Variants in ZNF91 observed in about 807,000 individuals in gnomAD.
ZNF91 encodes the protein zinc finger protein 91.
Under a neutral mutation model 12.6 loss-of-function variants are expected in ZNF91, and 7 were observed. That is an observed-to-expected ratio of 0.55 (90% CI 0.31 to 1.04). ZNF91 has a LOEUF of 1.04. ZNF91 is among the 50% of genes least tolerant of loss of function. The pLI, the probability that ZNF91 is intolerant of heterozygous loss-of-function variation, is 0.05. For missense variants in ZNF91, 1,217 were observed against 1,385.4 expected, an observed-to-expected ratio of 0.88 and a Z score of 1.93; for synonymous variants, 453 against 462.6, an observed-to-expected ratio of 0.98 and a Z score of 0.27.
At chr19:23,334,377 G>C (rs1967970242), downstream of ZNF91, among the ~76,000 whole-genome samples, 1 of 152,146 alleles carries the variant, frequency 6.6e-6, no homozygotes, top group African/African-American at 2.4e-5. Context: ...CTGTGTTTCA[G>C]AGGGAACACT....
In ZNF91 at chr19:23,362,419, C is replaced by A. The variant is rs539170632; in HGVS notation, c.560G>T (p.Cys187Phe). The change falls in exon 4 of 4, where the codon TGT becomes TTT. Residue 187 changes from cysteine to phenylalanine, a missense_variant. Around this residue, in one of 2 missense-constraint regions of ZNF91, gnomAD observed 726 missense variants for 895.5 expected, o/e 0.81. Coordinates refer to ENST00000300619, the MANE Select transcript of ZNF91 (RefSeq NM_003430.4). ...TGKKCFKCKK[C>F]VKSFCIRLHK... is the part of the protein sequence containing the mutation. ...TAAACGGATGCAAAATGACTTGACA[C>A]ATTTTTTACATTTGAAGCATTTCTT... The A allele has an allele frequency of 6.2e-7, 1 of 1,613,818 alleles. No individual in the cohort carries two copies.
rs72481638 is a variant in ZNF91 at position 23,360,026 on chromosome 19, T to C, written c.2953A>G (p.Lys985Glu). 20 of 1,613,394 alleles carry C rather than the reference T, an allele frequency of 1.2e-5. No homozygotes were observed. The East Asian group carries it at 3.8e-4, about 31-fold the overall frequency. The part of the protein sequence containing the change: ...FRKSSTLTEH[K>E]IIHTGEKPYK... The stretch of plus-strand genomic sequence containing the variant: ...GGTTTCTCTCCAGTATGAATTATCT[T>C]ATGTTCAGTAAGAGTTGAAGATTTC... The change falls in exon 4 of 4, where the codon AAG becomes GAG. Residue 985 changes from lysine (K) to glutamate (E), a missense_variant. Transcript: ENST00000300619.
chr19:23,369,261 G>C (rs1342692646), intron 3 of ZNF91, among the ~76,000 whole-genome samples: 2 of 151,664 alleles, frequency 1.3e-5, no homozygotes, highest in African/African-American at 4.8e-5. Flanking sequence ...AGTGTGATAG[G>C]ATCGTGCCAT....
intron 3 of ZNF91, among the ~76,000 whole-genome samples, chr19:23,370,830 A>G (rs1487931174): frequency 1.3e-5 from 2 of 152,220 alleles, no homozygotes; most frequent in African/African-American, 2.4e-5. Context: ...ATTGAAATAG[A>G]TTTAAGAAGG....
intron 1 of ZNF91, chr19:23,324,302 A>C (rs1283103487): frequency 7.3e-6 from 1 of 137,532 alleles, no homozygotes; most frequent in African/African-American, 2.8e-5. Flanking sequence ...TTTCTCTTCT[A>C]GTTCTTCTCT....
chr19:23,393,236 G>A (rs1402207956), intron 1 of ZNF91, among the ~76,000 whole-genome samples: 1 of 152,032 alleles, frequency 6.6e-6, no homozygotes, highest in Non-Finnish European at 1.5e-5. Context: ...AATGAAAGCT[G>A]AATTGGGTGA....
chr19:23,389,554 G>GA (rs1479921665), intron 1 of ZNF91, among the ~76,000 whole-genome samples: 4 of 152,106 alleles, frequency 2.6e-5, no homozygotes, highest in Non-Finnish European at 5.9e-5. Context: ...GGCAAAAGGG[G>GA]ATCTGCCATC....
chr19:23,327,552 C>A (rs761059886), intron 1 of ZNF91: 3 of 152,126 alleles, frequency 2.0e-5, no homozygotes, highest in Admixed American at 2.0e-4. Context: ...AGATACGTTA[C>A]TAACTTTAAA....
At chr19:23,366,235 G>A (rs1056339332) in intron 3 of ZNF91, among the ~76,000 whole-genome samples, 4 of 151,532 alleles carry the variant, frequency 2.6e-5, no homozygotes, top group South Asian at 4.2e-4. Flanking sequence ...GCGGCTGGCC[G>A]GGCGGGGGGC....
chr19:23,330,452 A>T (rs1396368531), intron 1 of ZNF91, among the ~76,000 whole-genome samples: 2 of 152,174 alleles, frequency 1.3e-5, no homozygotes, highest in Non-Finnish European at 2.9e-5. Flanking sequence ...CCAGAATCGG[A>T]GGTGAGCCCC....
At chr19:23,323,192 CCA>C (rs536774065) in intron 1 of ZNF91, among the ~76,000 whole-genome samples, 216 of 148,506 alleles carry the variant, frequency 1.5e-3, no homozygotes, top group Non-Finnish European at 2.3e-3. Context: ...CTTCTCCTAT[CCA>C]CATTCTCCTC....
chr19:23,316,766 G>T (rs1490401587), intron 1 of ZNF91, among the ~76,000 whole-genome samples: 4 of 152,174 alleles, frequency 2.6e-5, no homozygotes, highest in Admixed American at 2.0e-4. Context: ...TTTGTATGAA[G>T]GTTATAGAAA....
At chr19:23,368,510 A>ATCTCTCTCTCTCTCTCTCTCTCTC (rs573590418) in intron 3 of ZNF91, among the ~76,000 whole-genome samples, 2 of 94,274 alleles carry the variant, frequency 2.1e-5, no homozygotes, top group Non-Finnish European at 4.0e-5. Context: ...GCGAAACTCC[A>ATCTCTCTCTCTCTCTCTCTCTCTC]TCTCTCTCTC....
intron 1 of ZNF91, chr19:23,324,148 CTCTTT>C (rs1967790334): frequency 6.6e-6 from 1 of 150,594 alleles, no homozygotes; most frequent in Admixed American, 6.6e-5. Flanking sequence ...TCGTCCTCTT[CTCTTT>C]TCCTCATTCT....
chr19:23,357,735 A>G lies in ZNF91; in HGVS notation c.*1668T>C, dbSNP rs2145042208. The G allele has an allele frequency of 6.6e-6, 1 of 152,350 alleles. No individual in the cohort carries two copies. Among genetic ancestry groups the G allele is most frequent in the African/African-American group, 2.4e-5 (1 of 41,590 alleles). The allele number at this position is 152,350 out of a possible 1,614,324, so 9.4% of individuals were successfully genotyped here. On this transcript the variant is annotated 3_prime_UTR_variant, in exon 4 of 4. Coordinates refer to ENST00000300619, the MANE Select transcript of ZNF91 (RefSeq NM_003430.4). ...ATGTTTGTATATAAGTTTTATTATG[A>G]CCATAAAAATAATCCTGTAGTCAAC...
At chr19:23,319,476 C>T (rs1967639265) in intron 1 of ZNF91, among the ~76,000 whole-genome samples, 2 of 152,230 alleles carry the variant, frequency 1.3e-5, no homozygotes, top group African/African-American at 4.8e-5. Context: ...TTCTCCCAGG[C>T]CCCAAATATT....
rs1970200017 is a variant in ZNF91, at chr19:23,395,357, T to C, written c.-3A>G. ...AGGCTTCCAGGGGTTCCTGGCATCT[T>C]AGCTGTGGCTCTCCAATACCTGCAG... On this transcript the variant is annotated 5_prime_UTR_variant, in exon 1 of 4. Coordinates refer to ENST00000300619, the MANE Select transcript of ZNF91 (RefSeq NM_003430.4). The C allele has an allele frequency of 6.2e-7, 1 of 1,613,918 alleles. No individual in the cohort carries two copies. Among genetic ancestry groups the C allele is most frequent in the Non-Finnish European group, 8.5e-7 (1 of 1,179,910 alleles).
intron 1 of ZNF91, among the ~76,000 whole-genome samples, chr19:23,318,560 T>C (rs2145852619): frequency 6.6e-6 from 1 of 150,682 alleles, no homozygotes; most frequent in African/African-American, 2.4e-5. Flanking sequence ...TGTGAGTCTC[T>C]TGCCTGGACC....
rs142415901 is a variant in ZNF91, at chr19:23,348,172, C to T, written c.254-9118G>A. ...AAACTCACCAAGTTGGCTCTAGTAA[C>T]CCTCCAGTGGTGGACAAAAAAATCT... is the stretch of plus-strand genomic sequence containing the variant. On this transcript the variant is annotated intron_variant, in intron 3 of 3. Transcript: ENST00000599743. Among the ~76,000 whole-genome samples, 22 of 152,054 alleles carry T rather than the reference C, an allele frequency of 1.4e-4. No homozygotes were observed. The East Asian group carries it at 4.2e-3, about 29-fold the overall frequency.
Sources: allele counts gnomAD v4.1 joint callset (sites outside exome capture counted in the v4.1 genomes callset), GRCh38; gene constraint gnomAD v4.1.1; regional missense constraint gnomAD v4.1.1; transcripts MANE v1.5; gene names NCBI Gene and HGNC (gene_info 2026-07-23, HGNC 2026-07-21).